KCNN3: variants seen among roughly 807,000 people sequenced by gnomAD.
The protein encoded by KCNN3 is potassium calcium-activated channel subfamily N member 3.
In KCNN3, 16 loss-of-function variants were observed where a neutral mutation model predicts 62.9. That is an observed-to-expected ratio of 0.25 (90% CI 0.17 to 0.39). The LOEUF (loss-of-function observed/expected upper bound fraction) is 0.39. KCNN3 is among the 10% of genes least tolerant of loss of function. KCNN3 has a pLI of 1.00. For missense variants in KCNN3, 599 were observed against 949.4 expected (o/e 0.63, Z 4.85); for synonymous variants, 370 against 389.2 (o/e 0.95, Z 0.58).
intron 6 of KCNN3, among the ~76,000 whole-genome samples, chr1:154,714,504 G>A (rs1700180310): frequency 1.5e-5 from 2 of 129,532 alleles, no homozygotes; most frequent in African/African-American, 5.9e-5. Context: ...AGGTGTGTGT[G>A]GGGTGTGTGT....
At chr1:154,823,567 C>T (rs771153777) in intron 1 of KCNN3, among the ~76,000 whole-genome samples, 1 of 152,164 alleles carries the variant, frequency 6.6e-6, no homozygotes, top group African/African-American at 2.4e-5. Context: ...CTCTGACTCG[C>T]AGTACAGAGC....
intron 2 of KCNN3, among the ~76,000 whole-genome samples, chr1:154,777,093 C>G (rs567689254): frequency 6.6e-6 from 1 of 152,332 alleles, no homozygotes; most frequent in Non-Finnish European, 1.5e-5. Flanking sequence ...TTACTGCGTG[C>G]CCCTGGACTA....
intron 1 of KCNN3, among the ~76,000 whole-genome samples, chr1:154,861,508 C>T (rs1652771591): frequency 6.6e-6 from 1 of 152,162 alleles, no homozygotes; most frequent in South Asian, 2.1e-4. Context: ...CTCATGCCTG[C>T]TCTATTCCCT....
chr1:154,754,411 G>A (rs1381173830), intron 3 of KCNN3, among the ~76,000 whole-genome samples: 2 of 152,134 alleles, frequency 1.3e-5, no homozygotes, highest in Non-Finnish European at 2.9e-5. Flanking sequence ...AGAGATGGTT[G>A]CAGCCCAACA....
chr1:154,842,571 T>C (rs1651878716), intron 1 of KCNN3, among the ~76,000 whole-genome samples: 1 of 151,852 alleles, frequency 6.6e-6, no homozygotes, highest in Non-Finnish European at 1.5e-5. Context: ...CAGCCTCCAC[T>C]GGCTGCTTCC....
At chr1:154,802,537 A>G (rs1418174892) in intron 2 of KCNN3, among the ~76,000 whole-genome samples, 3 of 152,230 alleles carry the variant, frequency 2.0e-5, no homozygotes, top group African/African-American at 7.2e-5. Flanking sequence ...TCAGGGGCTC[A>G]GCATTATCCA....
intron 2 of KCNN3, among the ~76,000 whole-genome samples, chr1:154,785,572 CTTTTTTTTTTT>C (rs59033291): frequency 2.8e-5 from 3 of 107,980 alleles, no homozygotes; most frequent in African/African-American, 3.8e-5. Context: ...TTTTCTTTTT[CTTTTTTTTTTT>C]TTTTTTTTTT....
At chr1:154,808,381 T>C (rs1571297132) in intron 2 of KCNN3, among the ~76,000 whole-genome samples, 1 of 152,048 alleles carries the variant, frequency 6.6e-6, no homozygotes, top group Admixed American at 6.6e-5. Flanking sequence ...TAGAGGACCC[T>C]CGACCCACCT....
chr1:154,715,385 G>A (rs1700212484), intron 5 of KCNN3, among the ~76,000 whole-genome samples: 1 of 135,950 alleles, frequency 7.4e-6, no homozygotes, highest in African/African-American at 2.7e-5. Flanking sequence ...GCTGTGAGCT[G>A]AGATCACGCC....
At position 154,842,645 on chromosome 1, in the gene KCNN3, C is replaced by T. The variant is rs372539599; in HGVS notation, c.934-20461G>A. Among the ~76,000 whole-genome samples, 616 of 150,584 alleles carry T rather than the reference C, an allele frequency of 4.1e-3. 4 individuals are homozygous for T. The highest frequency in any genetic ancestry group is 0.015 in the African/African-American group (600 of 40,844). On this transcript the variant is annotated intron_variant, in intron 1 of 7. Transcript: ENST00000271915. ...CATTCAGGGACCCCCCCCCCGCCAC[C>T]ACCTCCTCTGTGAGCTTTCCCCGGC...
intron 3 of KCNN3, among the ~76,000 whole-genome samples, chr1:154,750,983 C>G (rs978148965): frequency 6.6e-6 from 1 of 152,212 alleles, no homozygotes; most frequent in African/African-American, 2.4e-5. Context: ...TTGGGGCTCC[C>G]TCTAGCCCAG....
At chr1:154,762,217 A>G (rs567551857) in intron 3 of KCNN3, among the ~76,000 whole-genome samples, 2 of 152,324 alleles carry the variant, frequency 1.3e-5, no homozygotes, top group Admixed American at 1.3e-4. Context: ...GGCTCCTGTG[A>G]CAAATTGTTA....
chr1:154,760,098 C>T (rs113380711), intron 3 of KCNN3, among the ~76,000 whole-genome samples: 4 of 151,928 alleles, frequency 2.6e-5, no homozygotes, highest in Admixed American at 1.3e-4. Flanking sequence ...CTGCAACCTC[C>T]GCCTCTCAGG....
At chr1:154,771,208 G>A (rs1648546560) in intron 3 of KCNN3, among the ~76,000 whole-genome samples, 1 of 152,198 alleles carries the variant, frequency 6.6e-6, no homozygotes, top group Non-Finnish European at 1.5e-5. Context: ...GAGCCTTGTT[G>A]ATGGCTGTTC....
At chr1:154,800,883 A>G (rs1456912972) in intron 2 of KCNN3, among the ~76,000 whole-genome samples, 1 of 107,476 alleles carries the variant, frequency 9.3e-6, no homozygotes, top group African/African-American at 2.8e-5. Context: ...CATCTCTACA[A>G]AAAATACAAA....
chr1:154,714,288 GGTGTGTA>G (rs1700163732), intron 6 of KCNN3, among the ~76,000 whole-genome samples: 7 of 103,286 alleles, frequency 6.8e-5, no homozygotes, highest in South Asian at 3.2e-4. Flanking sequence ...TGTGGTGTGT[GGTGTGTA>G]TGGTGTGTGT....
Position 154,822,083 on chromosome 1 carries a change from A to T in KCNN3, c.1029+6T>A. The T allele has an allele frequency of 6.2e-7, 1 of 1,606,588 alleles. No homozygotes were observed. The highest frequency in any genetic ancestry group is 8.5e-7 in the Non-Finnish European group (1 of 1,173,190). The stretch of plus-strand genomic sequence containing the variant: ...CTGCATGAAGGGGTGAGGTGGGGGC[A>T]CCTACCTGGACTTCACGTGTGTGGT... On this transcript the variant is annotated splice_donor_region_variant and intron_variant, in intron 2 of 7. Coordinates refer to ENST00000271915, the MANE Select transcript of KCNN3 (RefSeq NM_002249.6).
At chr1:154,764,363 C>G (rs1648161851) in intron 3 of KCNN3, among the ~76,000 whole-genome samples, 2 of 152,110 alleles carry the variant, frequency 1.3e-5, no homozygotes, top group African/African-American at 2.4e-5. Context: ...GTTGGAGTCT[C>G]AAGTCTGCTG....
chr1:154,738,210 A>G (rs892920847), intron 3 of KCNN3, among the ~76,000 whole-genome samples: 3 of 152,168 alleles, frequency 2.0e-5, no homozygotes, highest in Non-Finnish European at 4.4e-5. Context: ...ACAATCCTAC[A>G]GAGCTTTAGG....
Sources: allele counts gnomAD v4.1 joint callset (sites outside exome capture counted in the v4.1 genomes callset), GRCh38; gene constraint gnomAD v4.1.1; transcripts MANE v1.5; gene names NCBI Gene and HGNC (gene_info 2026-07-23, HGNC 2026-07-21).